KSR2: variants seen among roughly 807,000 people sequenced by gnomAD.
KSR2 encodes the protein kinase suppressor of ras 2.
KSR2 carries 25 observed loss-of-function variants against 107.8 expected under a neutral mutation model. That is an observed-to-expected ratio of 0.23 (90% CI 0.17 to 0.32). The LOEUF is 0.32. Among genes scored for constraint, KSR2 ranks in the 10% least tolerant of loss-of-function variants. The pLI is 1.00. For missense variants in KSR2, 887 were observed against 1,268.9 expected, an observed-to-expected ratio of 0.70 and a Z score of 4.57; for synonymous variants, 480 against 507.0, an observed-to-expected ratio of 0.95 and a Z score of 0.71.
At chr12:117,678,102 A>ATTTTTTTTTTTTTTTTTTT (rs35096843) in intron 4 of KSR2, among the ~76,000 whole-genome samples, 2 of 127,544 alleles carry the variant, frequency 1.6e-5, no homozygotes, top group Non-Finnish European at 1.7e-5. Context: ...AGCCCAGCTA[A>ATTTTTTTTTTTTTTTTTTT]TTTTTTTTTT....
chr12:117,528,452 C>T (rs1326688491), intron 12 of KSR2, among the ~76,000 whole-genome samples: 2 of 152,126 alleles, frequency 1.3e-5, no homozygotes, highest in African/African-American at 2.4e-5. Context: ...CCCCCTTCCC[C>T]ATCCTCATTT....
intron 4 of KSR2, among the ~76,000 whole-genome samples, chr12:117,728,110 T>A (rs1887511906): frequency 6.6e-6 from 1 of 152,184 alleles, no homozygotes; most frequent in South Asian, 2.1e-4. Flanking sequence ...AGGAGAAATA[T>A]TCTGTCTTGA....
chr12:117,968,306 G>GGGC lies in KSR2; in HGVS notation c.-52_-51insGCC, dbSNP rs1566105107. On this transcript the variant is annotated 5_prime_UTR_variant, in exon 1 of 20. Coordinates refer to ENST00000339824, the MANE Select transcript of KSR2 (RefSeq NM_173598.6). ...TCCTCCTCCTCCCAGAGAGAAAAAA[G>GGGC]AGGGGGGGGAGTAGAGGTAGTCTAC... is the stretch of plus-strand genomic sequence containing the variant. 47 of 1,092,664 alleles carry GGGC rather than the reference G, an allele frequency of 4.3e-5. 1 individual carries two copies. Among genetic ancestry groups the GGGC allele is most frequent in the Middle Eastern group, 3.4e-4 (1 of 2,926 alleles). The allele number at this position is 1,092,664 out of a possible 1,614,324, so 67.7% of individuals were successfully genotyped here.
At chr12:117,729,554 G>A (rs148685458) in intron 4 of KSR2, among the ~76,000 whole-genome samples, 1,796 of 152,126 alleles carry the variant, frequency 0.012, 21 homozygotes, top group Non-Finnish European at 0.019. Context: ...ATTCACCTCC[G>A]TCCCTACCTA....
chr12:117,817,640 T>C (rs1891419703), intron 3 of KSR2, among the ~76,000 whole-genome samples: 1 of 152,146 alleles, frequency 6.6e-6, no homozygotes, highest in Admixed American at 6.5e-5. Flanking sequence ...TATTAACTCT[T>C]GCTATCAATG....
intron 7 of KSR2, among the ~76,000 whole-genome samples, chr12:117,564,903 G>A (rs191651255): frequency 1.3e-4 from 20 of 152,242 alleles, no homozygotes; most frequent in African/African-American, 4.1e-4. Context: ...CTTATAAATC[G>A]TATCCCTCTT....
chr12:117,484,698 TC>T lies in KSR2; in HGVS notation c.2317-150del, dbSNP rs1872360126. The T allele has an allele frequency of 4.0e-6, 3 of 748,104 alleles. No homozygotes were observed. In the East Asian group the frequency reaches 8.2e-5, roughly 20 times the overall value. The allele number at this position is 748,104 out of a possible 1,614,324, so 46.3% of individuals were successfully genotyped here. On this transcript the variant is annotated intron_variant, in intron 15 of 19. Transcript: ENST00000339824. ...GCAGGGCCTGGGGTCTGACCGTGGGTCCTGGGGGTGAGGTCGGGGAAGGCAT... is the reference window on the plus strand; with the variant it reads ...GCAGGGCCTGGGGTCTGACCGTGGGTCTGGGGGTGAGGTCGGGGAAGGCAT...
intron 4 of KSR2, among the ~76,000 whole-genome samples, chr12:117,736,845 A>T (rs547862159): frequency 2.6e-5 from 4 of 152,018 alleles, no homozygotes; most frequent in Non-Finnish European, 5.9e-5. Flanking sequence ...AAAGAAAATT[A>T]AAAAGAGTAA....
intron 3 of KSR2, among the ~76,000 whole-genome samples, chr12:117,762,185 T>C (rs1285860380): frequency 1.3e-5 from 2 of 152,256 alleles, no homozygotes; most frequent in Non-Finnish European, 2.9e-5. Flanking sequence ...GTCCCAGTTC[T>C]GGTAGTTTCA....
intron 3 of KSR2, among the ~76,000 whole-genome samples, chr12:117,789,987 C>T (rs756218875): frequency 1.3e-5 from 2 of 152,134 alleles, no homozygotes; most frequent in Non-Finnish European, 2.9e-5. Flanking sequence ...GAGGAAGACA[C>T]GCTGGACCCT....
At chr12:117,635,508 T>G (rs1400857855) in intron 5 of KSR2, among the ~76,000 whole-genome samples, 1 of 152,000 alleles carries the variant, frequency 6.6e-6, no homozygotes, top group African/African-American at 2.4e-5. Flanking sequence ...GCAAAAGAGA[T>G]GAAAGGTTAA....
intron 1 of KSR2, among the ~76,000 whole-genome samples, chr12:117,913,989 G>A (rs1454229473): frequency 6.6e-6 from 1 of 152,162 alleles, no homozygotes; most frequent in East Asian, 1.9e-4. Context: ...TGGGGCAACT[G>A]GCTCCAGAAG....
At chr12:117,783,120 C>T (rs755209093) in intron 3 of KSR2, among the ~76,000 whole-genome samples, 1 of 152,144 alleles carries the variant, frequency 6.6e-6, no homozygotes, top group African/African-American at 2.4e-5. Context: ...ATCATGATCA[C>T]CCTTTTTTGG....
chr12:117,903,728 G>A (rs751369635), intron 1 of KSR2, among the ~76,000 whole-genome samples: 6 of 152,112 alleles, frequency 3.9e-5, no homozygotes, highest in Non-Finnish European at 5.9e-5. Flanking sequence ...CTTTGAGGCC[G>A]GGCACTGTGG....
At chr12:117,593,516 G>C (rs1439333481) in intron 5 of KSR2, among the ~76,000 whole-genome samples, 1 of 152,222 alleles carries the variant, frequency 6.6e-6, no homozygotes, top group African/African-American at 2.4e-5. Flanking sequence ...CAACTAGGGG[G>C]ACACAAACCC....
At chr12:117,966,617 G>GTGCA (rs879261612) in intron 1 of KSR2, among the ~76,000 whole-genome samples, 1 of 130,550 alleles carries the variant, frequency 7.7e-6, no homozygotes, top group Non-Finnish European at 1.7e-5. Context: ...TCTCTCACAC[G>GTGCA]CGCACGCACA....
intron 1 of KSR2, among the ~76,000 whole-genome samples, chr12:117,861,870 A>G (rs1039768751): frequency 1.3e-5 from 2 of 152,190 alleles, no homozygotes; most frequent in African/African-American, 4.8e-5. Flanking sequence ...ATAACATGAG[A>G]AAAGAAAGTT....
intron 4 of KSR2, among the ~76,000 whole-genome samples, chr12:117,699,042 C>G (rs543906841): frequency 6.6e-6 from 1 of 152,326 alleles, no homozygotes; most frequent in African/African-American, 2.4e-5. Flanking sequence ...CACTTTCTAC[C>G]TCTTGACCTT....
chr12:117,777,083 A>G (rs986683396), intron 3 of KSR2, among the ~76,000 whole-genome samples: 4 of 100,690 alleles, frequency 4.0e-5, no homozygotes, highest in Admixed American at 1.1e-4. Flanking sequence ...TTTAATATAT[A>G]TATTTTATAT....
Sources: allele counts gnomAD v4.1 joint callset (sites outside exome capture counted in the v4.1 genomes callset), GRCh38; gene constraint gnomAD v4.1.1; transcripts MANE v1.5; gene names NCBI Gene and HGNC (gene_info 2026-07-23, HGNC 2026-07-21).